The following PTPN4 variants were observed in gnomAD, a reference collection of about 807,000 sequenced individuals.
PTPN4 encodes protein tyrosine phosphatase non-receptor type 4, also known as tyrosine-protein phosphatase non-receptor type 4.
A neutral mutation model predicts 135.5 loss-of-function variants in PTPN4; 49 were observed. That is an observed-to-expected ratio of 0.36 (90% CI 0.29 to 0.46). The LOEUF (loss-of-function observed/expected upper bound fraction) is 0.46. Among genes scored for constraint, PTPN4 ranks in the 20% least tolerant of loss-of-function variants. The pLI is 1.00. For missense variants in PTPN4, 860 were observed against 1,101.0 expected (o/e 0.78, Z 3.10); for synonymous variants, 333 against 369.9 (o/e 0.90, Z 1.14).
At chr2:119,806,213 A>G (rs539019323) in intron 1 of PTPN4, among the ~76,000 whole-genome samples, 35 of 152,356 alleles carry the variant, frequency 2.3e-4, no homozygotes, top group African/African-American at 8.4e-4. Context: ...GATGGGATCA[A>G]ATTCACATAT....
At chr2:119,818,691 GATT>G (rs1311792486) in intron 2 of PTPN4, among the ~76,000 whole-genome samples, 1 of 152,152 alleles carries the variant, frequency 6.6e-6, no homozygotes, top group Non-Finnish European at 1.5e-5. Context: ...TGGAGCTCTG[GATT>G]ATTAAGTCCC....
intron 11 of PTPN4, chr2:119,915,937 T>C (rs954688416): frequency 6.6e-6 from 1 of 152,040 alleles, no homozygotes; most frequent in African/African-American, 2.4e-5. Context: ...AATCCTGTAA[T>C]CCCAGCACTT....
At chr2:119,834,610 A>G (rs1677264230) in intron 2 of PTPN4, among the ~76,000 whole-genome samples, 1 of 152,078 alleles carries the variant, frequency 6.6e-6, no homozygotes, top group Non-Finnish European at 1.5e-5. Context: ...ACTAAATATA[A>G]TACCCTTCCA....
intron 2 of PTPN4, among the ~76,000 whole-genome samples, chr2:119,860,327 C>G (rs950046625): frequency 1.3e-5 from 2 of 152,072 alleles, no homozygotes; most frequent in African/African-American, 4.8e-5. Flanking sequence ...GCCATTTGAC[C>G]CAATTCTGGC....
intron 1 of PTPN4, among the ~76,000 whole-genome samples, chr2:119,783,091 G>T (rs747355975): frequency 4.0e-5 from 6 of 151,764 alleles, no homozygotes; most frequent in Admixed American, 1.3e-4. Context: ...TGAAATGGGT[G>T]CCCTGTTTTT....
chr2:119,977,008 G>A lies in PTPN4; in HGVS notation c.2719G>A (p.Ala907Thr), dbSNP rs762745195. 7 of 1,607,134 alleles carry A rather than the reference G, an allele frequency of 4.4e-6. No homozygotes were observed. The East Asian group carries it at 9.0e-5, about 21-fold the overall frequency. The change falls in exon 27 of 27, where the codon GCT becomes ACT. Residue 907 changes from alanine (A) to threonine (T), a missense_variant. By Grantham distance (58) the Ala-to-Thr change is moderately conservative (BLOSUM62 0). Coordinates refer to ENST00000263708, the MANE Select transcript of PTPN4 (RefSeq NM_002830.4). ...GAGTCAATACAGATTTGTATGTGAA[G>A]CTATTTTGAAAGTTTATGAAGAAGG... ...TPSQYRFVCE[A>T]ILKVYEEGFV... is the part of the protein sequence containing the mutation.
At chr2:119,878,868 C>T (rs778061350) in intron 5 of PTPN4, among the ~76,000 whole-genome samples, 23 of 151,426 alleles carry the variant, frequency 1.5e-4, no homozygotes, top group Non-Finnish European at 2.5e-4. Flanking sequence ...CCAAGGTGGG[C>T]GGATCACGAG....
At chr2:119,946,599 AAATC>A in intron 18 of PTPN4, 25 bp downstream of exon 18, 2 of 1,502,334 alleles carry the variant, frequency 1.3e-6, no homozygotes, top group Non-Finnish European at 1.8e-6. Context: ...TGTTTCAAAT[AAATC>A]CTGTTTTCAA....
chr2:119,804,129 T>C (rs771505214), intron 1 of PTPN4, among the ~76,000 whole-genome samples: 8 of 152,064 alleles, frequency 5.3e-5, no homozygotes, highest in Admixed American at 1.3e-4. Flanking sequence ...TTTAGTTTCT[T>C]AGAGACAGGG....
chr2:119,796,279 C>T (rs1186625793), intron 1 of PTPN4, among the ~76,000 whole-genome samples: 2 of 152,230 alleles, frequency 1.3e-5, no homozygotes, highest in Non-Finnish European at 2.9e-5. Flanking sequence ...TAAACCACCA[C>T]TACAATAAAA....
rs770665690 is a variant in PTPN4 at position 119,934,953 on chromosome 2, A to G, written c.1350A>G (p.Ser450=). Residue 450 remains serine (S), a synonymous_variant, in exon 15 of 27, where the codon TCA becomes TCG. Transcript: ENST00000263708. ...AAGCTAATAGCATTGTTCTGGAATC[A>G]TCACCGTAAGAGCTTTTTTATTTTG... ...STQANSIVLE[S]SPSQETPGDG... is the part of the protein sequence containing the mutation. 5.6e-6 allele frequency: 9 copies of G among 1,610,938 alleles called. No homozygotes were observed. The South Asian group carries it at 1.0e-4, about 18-fold the overall frequency.
At chr2:119,771,633 C>G (rs1005444602) in intron 1 of PTPN4, 1 of 152,206 alleles carries the variant, frequency 6.6e-6, no homozygotes, top group African/African-American at 2.4e-5. Flanking sequence ...ACTGTAAGCT[C>G]TGGATACTAT....
chr2:119,928,664 A>G (rs1281346044), intron 13 of PTPN4, among the ~76,000 whole-genome samples: 1 of 152,176 alleles, frequency 6.6e-6, no homozygotes, highest in Non-Finnish European at 1.5e-5. Context: ...GAGTCCATGT[A>G]TTTTTTAAAA....
At chr2:119,957,390 A>C (rs1574421077) in intron 22 of PTPN4, among the ~76,000 whole-genome samples, 2 of 152,226 alleles carry the variant, frequency 1.3e-5, no homozygotes, top group African/African-American at 4.8e-5. Context: ...CTAGAACAGG[A>C]GCCCCCAACC....
chr2:119,851,837 A>T (rs1356224605), intron 2 of PTPN4, among the ~76,000 whole-genome samples: 1 of 152,206 alleles, frequency 6.6e-6, no homozygotes, highest in Non-Finnish European at 1.5e-5. Context: ...AGGCAATGCA[A>T]TAATTGTGGA....
intron 1 of PTPN4, among the ~76,000 whole-genome samples, chr2:119,786,209 A>C (rs771683918): frequency 6.6e-6 from 1 of 152,176 alleles, no homozygotes; most frequent in Non-Finnish European, 1.5e-5. Flanking sequence ...GTATTTTATA[A>C]CAGTTGAGAG....
chr2:119,801,900 GTTTTTTT>G (rs768983862), intron 1 of PTPN4, among the ~76,000 whole-genome samples: 1 of 98,794 alleles, frequency 1.0e-5, no homozygotes, highest in African/African-American at 3.8e-5. Flanking sequence ...CTTTCTTTCC[GTTTTTTT>G]TTTTTTTTTT....
Position 119,862,517 on chromosome 2 carries a change from T to A in PTPN4, c.139-19T>A. On this transcript the variant is annotated intron_variant, in intron 2 of 26. Coordinates refer to ENST00000263708, the MANE Select transcript of PTPN4 (RefSeq NM_002830.4). ...ACCTATCAAAGTTGATTTCATTCAA[T>A]TTTTTTTTTTTTTTACAGAAACATG... 3.0e-5 allele frequency: 9 copies of A among 298,122 alleles called. No homozygotes were observed. Among genetic ancestry groups the A allele is most frequent in the Non-Finnish European group, 4.3e-5 (8 of 185,716 alleles). The allele number at this position is 298,122 out of a possible 1,614,324, so 18.5% of individuals were successfully genotyped here. A position where few individuals can be genotyped will look rare whatever the true frequency, so the allele number is the denominator to read the frequency against.
chr2:119,774,760 C>T (rs1690799648), intron 1 of PTPN4, among the ~76,000 whole-genome samples: 1 of 152,160 alleles, frequency 6.6e-6, no homozygotes, highest in African/African-American at 2.4e-5. Flanking sequence ...GGCATGGTGG[C>T]TTATGCCTAT....
Sources: gnomAD v4.1 joint callset for allele counts (sites outside exome capture counted in the v4.1 genomes callset) on GRCh38, gnomAD v4.1.1 for gene constraint, MANE v1.5 for transcripts, NCBI Gene and HGNC (gene_info 2026-07-23, HGNC 2026-07-21) for gene names.